The following KHDRBS2 variants were observed in gnomAD, a reference collection of about 807,000 sequenced individuals.
KHDRBS2 encodes KH domain-containing, RNA-binding, signal transduction-associated protein 2.
Under a neutral mutation model 44.3 loss-of-function variants are expected in KHDRBS2, and 26 were observed. The ratio of observed to expected loss-of-function variants is 0.59; its 90% CI spans 0.43 to 0.81. The LOEUF is 0.81. Among genes scored for constraint, KHDRBS2 ranks in the 40% least tolerant of loss-of-function variants. The probability of loss-of-function intolerance (pLI) is 0.00; values close to 1 mark genes in which losing one functional copy is unlikely to be tolerated. For missense variants in KHDRBS2, 476 were observed against 433.1 expected, an observed-to-expected ratio of 1.10 and a Z score of -0.88; for synonymous variants, 194 against 151.1, an observed-to-expected ratio of 1.28 and a Z score of -2.08.
intron 2 of KHDRBS2, among the ~76,000 whole-genome samples, chr6:62,173,246 G>A (rs1331794316): frequency 6.6e-6 from 1 of 151,232 alleles, no homozygotes. Context: ...TAACAAAGGG[G>A]ACGTTACCAC....
chr6:61,727,453 C>T (rs1417463519), intron 7 of KHDRBS2, among the ~76,000 whole-genome samples: 4 of 152,142 alleles, frequency 2.6e-5, no homozygotes, highest in African/African-American at 7.2e-5. Flanking sequence ...AGAGCTTCTT[C>T]TGCACAGCAA....
At chr6:61,635,810 A>G in the KHDRBS2 span, among the ~76,000 whole-genome samples, 1 of 152,012 alleles carries the variant, frequency 6.6e-6, no homozygotes, top group Non-Finnish European at 1.5e-5. Context: ...TTTCTAGGTC[A>G]CTGGAGATTT....
intron 3 of KHDRBS2, among the ~76,000 whole-genome samples, chr6:62,019,806 A>C (rs981519299): frequency 4.0e-5 from 6 of 151,556 alleles, no homozygotes; most frequent in Non-Finnish European, 8.8e-5. Flanking sequence ...TGATATTGAG[A>C]ATTTATTTTT....
intron 2 of KHDRBS2, among the ~76,000 whole-genome samples, chr6:62,101,351 A>C (rs1384430503): frequency 6.6e-6 from 1 of 152,164 alleles, no homozygotes; most frequent in Non-Finnish European, 1.5e-5. Flanking sequence ...CAGATTATGT[A>C]GGGCTTTCTA....
At chr6:61,630,004 G>T in the KHDRBS2 span, among the ~76,000 whole-genome samples, 1 of 152,062 alleles carries the variant, frequency 6.6e-6, no homozygotes, top group Non-Finnish European at 1.5e-5. Flanking sequence ...CCATTTACAG[G>T]TTTGTGGGTC....
intron 2 of KHDRBS2, among the ~76,000 whole-genome samples, chr6:62,112,268 A>C (rs1052652515): frequency 3.3e-5 from 5 of 152,156 alleles, no homozygotes; most frequent in Admixed American, 1.3e-4. Context: ...TTCTTTTATG[A>C]GATTGGAATA....
intron 1 of KHDRBS2, among the ~76,000 whole-genome samples, chr6:62,275,042 C>CACACAT (rs1554138988): frequency 2.0e-5 from 3 of 148,768 alleles, no homozygotes; most frequent in Admixed American, 6.7e-5. Flanking sequence ...CACACACACA[C>CACACAT]ATATATATTC....
chr6:61,859,341 T>TA (rs1259267093), intron 6 of KHDRBS2, among the ~76,000 whole-genome samples: 4 of 151,810 alleles, frequency 2.6e-5, no homozygotes, highest in Admixed American at 6.6e-5. Flanking sequence ...AAAAATCATG[T>TA]AAAAAATCCC....
rs146468447 is a variant in KHDRBS2 at position 62,089,758 on chromosome 6, C to G, written c.220-41764G>C. ...TCTGTCTTATAATTATTCATTAAGA[C>G]ACATATTTGTTTTGTGTTGTTTTCT... On this transcript the variant is annotated intron_variant, in intron 2 of 8. Transcript: ENST00000281156. 3.1e-3 allele frequency among the ~76,000 whole-genome samples: 473 copies of G among 152,252 alleles called. 8 individuals are homozygous for G. The highest frequency in any genetic ancestry group is 0.029 in the Admixed American group (440 of 15,286).
chr6:62,177,263 C>T lies in KHDRBS2; in HGVS notation c.141G>A (p.Lys47=), dbSNP rs1235198732. 1.9e-6 allele frequency: 3 copies of T among 1,601,456 alleles called. No homozygotes were observed. The African/African-American group carries it at 4.0e-5, about 21-fold the overall frequency. The change falls in exon 2 of 9, where the codon AAG becomes AAA. Residue 47 remains lysine (K), a synonymous_variant. Transcript: ENST00000281156. Reference sequence around the variant, plus strand: ...TGTTGCTGATGACATCAAGATACTTCTTTTCTTCGTCTTCCTTTTTTCCAT... The same window carrying T: ...TGTTGCTGATGACATCAAGATACTTTTTTTCTTCGTCTTCCTTTTTTCCAT... ...GSDGKKEDEE[K]KYLDVISNKN... is the part of the protein sequence containing the mutation.
At chr6:61,863,234 C>T (rs1433366434) in intron 6 of KHDRBS2, among the ~76,000 whole-genome samples, 1 of 150,526 alleles carries the variant, frequency 6.6e-6, no homozygotes, top group Admixed American at 6.6e-5. Context: ...AAACCAACTC[C>T]CACATTTGTT....
At chr6:61,861,272 G>C (rs1197720157) in intron 6 of KHDRBS2, among the ~76,000 whole-genome samples, 3 of 152,022 alleles carry the variant, frequency 2.0e-5, no homozygotes, top group Admixed American at 6.6e-5. Context: ...TGGTGTCTTT[G>C]TTATGAAATC....
At chr6:61,976,037 A>G (rs991234426) in intron 4 of KHDRBS2, among the ~76,000 whole-genome samples, 10 of 152,184 alleles carry the variant, frequency 6.6e-5, no homozygotes, top group South Asian at 2.1e-4. Flanking sequence ...TTAGACATAC[A>G]AGATGAAATC....
intron 1 of KHDRBS2, among the ~76,000 whole-genome samples, chr6:62,278,229 G>T (rs1448510989): frequency 6.6e-6 from 1 of 152,078 alleles, no homozygotes; most frequent in Admixed American, 6.6e-5. Context: ...CAAAAAGAAA[G>T]ATCAAATTCA....
At chr6:62,140,444 T>C (rs565402677) in intron 2 of KHDRBS2, among the ~76,000 whole-genome samples, 4 of 152,324 alleles carry the variant, frequency 2.6e-5, no homozygotes, top group Non-Finnish European at 5.9e-5. Context: ...GGGAGACTTT[T>C]GTAGTGAACA....
intron 2 of KHDRBS2, among the ~76,000 whole-genome samples, chr6:62,087,930 A>G (rs1030004422): frequency 5.9e-5 from 9 of 152,054 alleles, no homozygotes; most frequent in Admixed American, 5.9e-4. Flanking sequence ...TTCATGCATT[A>G]TTTCATTAAG....
chr6:61,553,880 A>C, the KHDRBS2 span, among the ~76,000 whole-genome samples: 1 of 151,856 alleles, frequency 6.6e-6, no homozygotes, highest in Non-Finnish European at 1.5e-5. Context: ...GTATGATTTC[A>C]AGTTTTTAAG....
At chr6:62,274,528 A>T (rs914967774) in intron 1 of KHDRBS2, among the ~76,000 whole-genome samples, 4 of 152,300 alleles carry the variant, frequency 2.6e-5, no homozygotes, top group South Asian at 2.1e-4. Context: ...ATGATGCTTA[A>T]CTTCTACCAA....
chr6:62,247,011 C>A (rs1023741746), intron 1 of KHDRBS2, among the ~76,000 whole-genome samples: 2 of 151,876 alleles, frequency 1.3e-5, no homozygotes, highest in African/African-American at 2.4e-5. Context: ...GCTATTTGTT[C>A]AATTTCCAAA....
Sources: gnomAD v4.1 joint callset for allele counts (sites outside exome capture counted in the v4.1 genomes callset) on GRCh38, gnomAD v4.1.1 for gene constraint, MANE v1.5 for transcripts, NCBI Gene and HGNC (gene_info 2026-07-23, HGNC 2026-07-21) for gene names.